FAM222B: variants seen among roughly 807,000 people sequenced by gnomAD.
FAM222B encodes protein FAM222B.
Under a neutral mutation model 38.0 loss-of-function variants are expected in FAM222B, and 12 were observed. The ratio of observed to expected loss-of-function variants is 0.32; its 90% confidence interval spans 0.20 to 0.51. The LOEUF (loss-of-function observed/expected upper bound fraction) is 0.51. FAM222B is among the 20% of genes least tolerant of loss of function. The probability of loss-of-function intolerance (pLI) is 0.97; values close to 1 mark genes in which losing one functional copy is unlikely to be tolerated. For missense variants in FAM222B, 716 were observed against 754.2 expected, an observed-to-expected ratio of 0.95 and a Z score of 0.59; for synonymous variants, 329 against 317.2, an observed-to-expected ratio of 1.04 and a Z score of -0.40.
chr17:28,853,459 TTCCACCC>T (rs1258989916), intron 1 of FAM222B, among the ~76,000 whole-genome samples: 1 of 152,098 alleles, frequency 6.6e-6, no homozygotes, highest in African/African-American at 2.4e-5. Flanking sequence ...ATACCATAAT[TTCCACCC>T]TCCCATCCTA....
At chr17:28,787,040 T>C (rs2036447742) in intron 1 of FAM222B, among the ~76,000 whole-genome samples, 1 of 151,718 alleles carries the variant, frequency 6.6e-6, no homozygotes. Flanking sequence ...TTCTCCTGCC[T>C]CAGCCTCCTG....
chr17:28,770,719 C>T (rs560297216), intron 1 of FAM222B, among the ~76,000 whole-genome samples: 37 of 152,152 alleles, frequency 2.4e-4, no homozygotes, highest in African/African-American at 8.4e-4. Flanking sequence ...TACAGGCGCC[C>T]GCCATCATGC....
chr17:28,765,769 G>A (rs906053626), intron 2 of FAM222B, among the ~76,000 whole-genome samples: 2 of 152,292 alleles, frequency 1.3e-5, no homozygotes, highest in African/African-American at 4.8e-5. Flanking sequence ...TCAATCTTCT[G>A]GGAAGTGTAT....
chr17:28,838,968 G>T (rs971268075), intron 1 of FAM222B, among the ~76,000 whole-genome samples: 6 of 152,072 alleles, frequency 3.9e-5, no homozygotes, highest in African/African-American at 1.4e-4. Context: ...ACTTTGGGAG[G>T]CTGAGTCGGG....
chr17:28,820,766 G>A (rs912872426), intron 1 of FAM222B, among the ~76,000 whole-genome samples: 11 of 151,472 alleles, frequency 7.3e-5, no homozygotes, highest in South Asian at 6.3e-4. Flanking sequence ...CCCGAGTAGC[G>A]GGAATTACAG....
rs531031340 is a variant in FAM222B at position 28,777,663 on chromosome 17, G to C, written c.-40-10956C>G. On this transcript the variant is annotated intron_variant, in intron 1 of 2. Coordinates refer to ENST00000581407, the MANE Select transcript of FAM222B (RefSeq NM_001077498.3). ...AGGATAGCACATACTTTAATTCCAG[G>C]CTCCGAAAATTTGTGGTACATGGAT... 3.5e-4 allele frequency among the ~76,000 whole-genome samples: 53 copies of C among 152,082 alleles called. No individual in the cohort carries two copies. In the South Asian group the frequency reaches 5.4e-3, roughly 15 times the overall value.
At chr17:28,841,557 G>C (rs567655471) in intron 1 of FAM222B, among the ~76,000 whole-genome samples, 1 of 152,122 alleles carries the variant, frequency 6.6e-6, no homozygotes, top group African/African-American at 2.4e-5. Flanking sequence ...TGTATTTTTA[G>C]TAGAGACGGG....
At chr17:28,760,479 G>A (rs1238114954) in intron 2 of FAM222B, among the ~76,000 whole-genome samples, 1 of 152,100 alleles carries the variant, frequency 6.6e-6, no homozygotes, top group African/African-American at 2.4e-5. Context: ...GGGAGGCTGA[G>A]GCAGGAGGAT....
rs371707609 is a variant in FAM222B at position 28,829,602 on chromosome 17, A to C, written c.-41+13080T>G. On this transcript the variant is annotated intron_variant, in intron 1 of 2. Coordinates refer to ENST00000581407, the MANE Select transcript of FAM222B (RefSeq NM_001077498.3). The stretch of plus-strand genomic sequence containing the variant: ...TAGCCTTTTGAGTTTTGTTTCTTTT[A>C]CTAAGCATAATACCAATGAGTTTCA... 1.1e-4 allele frequency among the ~76,000 whole-genome samples: 16 copies of C among 152,264 alleles called. No homozygotes were observed. In the East Asian group the frequency reaches 1.3e-3, roughly 13 times the overall value.
intron 1 of FAM222B, among the ~76,000 whole-genome samples, chr17:28,831,892 G>T (rs1469816303): frequency 6.6e-6 from 1 of 151,894 alleles, no homozygotes; most frequent in Non-Finnish European, 1.5e-5. Flanking sequence ...TTTACTTAAA[G>T]AAAAAAACAA....
chr17:28,770,452 G>C (rs2035570432), intron 1 of FAM222B, among the ~76,000 whole-genome samples: 1 of 152,168 alleles, frequency 6.6e-6, no homozygotes, highest in African/African-American at 2.4e-5. Context: ...AGCCAGGCTG[G>C]AGTGCAGCAG....
chr17:28,780,535 C>T (rs2036122285), intron 1 of FAM222B, among the ~76,000 whole-genome samples: 1 of 151,422 alleles, frequency 6.6e-6, no homozygotes, highest in African/African-American at 2.4e-5. Flanking sequence ...AAAAAAAAGG[C>T]TTGGGAATAA....
intron 1 of FAM222B, among the ~76,000 whole-genome samples, chr17:28,828,891 A>T (rs2038543053): frequency 6.6e-6 from 1 of 151,356 alleles, no homozygotes; most frequent in South Asian, 2.1e-4. Context: ...ACCTCTTTGC[A>T]GTCAACTCTC....
intron 1 of FAM222B, among the ~76,000 whole-genome samples, chr17:28,839,431 G>A (rs1294401132): frequency 6.6e-6 from 1 of 152,050 alleles, no homozygotes; most frequent in Non-Finnish European, 1.5e-5. Context: ...ACCACAAGTA[G>A]GAAAGATAAC....
intron 1 of FAM222B, 166 bp from the exon 2 acceptor site, chr17:28,766,873 A>G (rs2035355377): frequency 3.7e-6 from 2 of 544,426 alleles, no homozygotes; most frequent in Non-Finnish European, 6.6e-6. Context: ...TGTGACGACA[A>G]TTTGCTGTCA....
intron 1 of FAM222B, among the ~76,000 whole-genome samples, chr17:28,801,405 G>C (rs1402710558): frequency 7.2e-6 from 1 of 138,962 alleles, no homozygotes; most frequent in Non-Finnish European, 1.5e-5. Flanking sequence ...AGTGAGCCAA[G>C]ATCATGCCAC....
At chr17:28,761,582 A>G (rs971161448) in intron 2 of FAM222B, among the ~76,000 whole-genome samples, 2 of 152,230 alleles carry the variant, frequency 1.3e-5, no homozygotes, top group African/African-American at 2.4e-5. Context: ...GCTAATGAGC[A>G]TATTAGAAGG....
At chr17:28,774,044 C>A (rs2035767010) in intron 1 of FAM222B, among the ~76,000 whole-genome samples, 1 of 152,194 alleles carries the variant, frequency 6.6e-6, no homozygotes, top group Non-Finnish European at 1.5e-5. Flanking sequence ...TAAAGGAATC[C>A]TCCAGAGGCC....
chr17:28,812,490 T>G (rs1032781356), intron 1 of FAM222B: 1 of 148,570 alleles, frequency 6.7e-6, no homozygotes, highest in African/African-American at 2.5e-5. Context: ...ACCTCCACCC[T>G]GGCTCTTCGC....
Sources: gnomAD v4.1 joint callset for allele counts (sites outside exome capture counted in the v4.1 genomes callset) on GRCh38, gnomAD v4.1.1 for gene constraint, MANE v1.5 for transcripts, NCBI Gene and HGNC (gene_info 2026-07-23, HGNC 2026-07-21) for gene names.